FRMPD2: variants seen among roughly 807,000 people sequenced by gnomAD.
The protein encoded by FRMPD2 is FERM and PDZ domain-containing protein 2.
A neutral mutation model predicts 140.1 loss-of-function variants in FRMPD2; 96 were observed. That is an observed-to-expected ratio of 0.69 (90% CI 0.58 to 0.81). FRMPD2 has a LOEUF of 0.81. Ranked by LOEUF, FRMPD2 falls within the 40% of genes least tolerant of loss-of-function variation. FRMPD2 has a pLI of 0.00. For synonymous variants in FRMPD2, 449 were observed against 547.6 expected, an observed-to-expected ratio of 0.82 and a Z score of 2.52; for missense variants, 1,240 against 1,447.4, an observed-to-expected ratio of 0.86 and a Z score of 2.32.
At chr10:48,249,200 G>A (rs2131963847) in intron 2 of FRMPD2, 22 bp from the exon 3 acceptor site, 2 of 1,609,904 alleles carry the variant, frequency 1.2e-6, no homozygotes, top group Non-Finnish European at 1.7e-6. Context: ...CCAGTGATGG[G>A]GCTGTAGAGA....
chr10:48,225,397 A>G (rs2131910570), intron 10 of FRMPD2, among the ~76,000 whole-genome samples: 1 of 152,316 alleles, frequency 6.6e-6, no homozygotes, highest in African/African-American at 2.4e-5. Context: ...CAGCACAAGG[A>G]CAGCCAGCCG....
intron 17 of FRMPD2, among the ~76,000 whole-genome samples, chr10:48,186,118 A>G (rs1838679009): frequency 2.0e-5 from 3 of 152,222 alleles, no homozygotes; most frequent in Non-Finnish European, 4.4e-5. Flanking sequence ...AGCCTGTGTG[A>G]CCTGTGGTCT....
intron 4 of FRMPD2, among the ~76,000 whole-genome samples, chr10:48,244,558 TC>T (rs1275395631): frequency 1.3e-5 from 2 of 152,236 alleles, no homozygotes; most frequent in Admixed American, 1.3e-4. Flanking sequence ...TGCTTGCCAG[TC>T]CCAAATTGTG....
chr10:48,194,106 A>G (rs1838900411), intron 15 of FRMPD2, among the ~76,000 whole-genome samples: 2 of 152,368 alleles, frequency 1.3e-5, no homozygotes, highest in Middle Eastern at 3.4e-3. Flanking sequence ...CAGTAATGTC[A>G]ACATCAACTA....
chr10:48,259,224 A>G (rs1293802683), intron 1 of FRMPD2, among the ~76,000 whole-genome samples: 1 of 152,212 alleles, frequency 6.6e-6, no homozygotes, highest in Non-Finnish European at 1.5e-5. Context: ...TTTACAGCTT[A>G]CAGAGTTTTC....
intron 26 of FRMPD2, among the ~76,000 whole-genome samples, chr10:48,170,174 T>C (rs1392857071): frequency 7.3e-6 from 1 of 136,492 alleles, no homozygotes; most frequent in Non-Finnish European, 1.6e-5. Context: ...TTTGTGTTTC[T>C]GGAGCTGACT....
chr10:48,239,456 G>A, intron 7 of FRMPD2, 149 bp downstream of exon 7: 1 of 552,258 alleles, frequency 1.8e-6, no homozygotes, highest in Non-Finnish European at 3.2e-6. Flanking sequence ...CTTAAATGTG[G>A]CTTCTTCATC....
At chr10:48,265,063 A>G (rs937218246) in intron 1 of FRMPD2, among the ~76,000 whole-genome samples, 5 of 152,192 alleles carry the variant, frequency 3.3e-5, no homozygotes, top group African/African-American at 1.2e-4. Context: ...AAGGCCACAC[A>G]CCTACAACTA....
At chr10:48,200,662 GT>G (rs1210122788) in intron 15 of FRMPD2, among the ~76,000 whole-genome samples, 3 of 152,198 alleles carry the variant, frequency 2.0e-5, no homozygotes, top group Non-Finnish European at 4.4e-5. Context: ...TGAAGAAAGT[GT>G]CATTGGACGG....
intron 28 of FRMPD2, among the ~76,000 whole-genome samples, chr10:48,159,938 C>A (rs1314028249): frequency 6.6e-6 from 1 of 151,552 alleles, no homozygotes; most frequent in African/African-American, 2.4e-5. Context: ...CATTTAAAGA[C>A]AAACATTTTG....
rs1479722867 is a variant in FRMPD2 at position 48,241,771 on chromosome 10, A to C, written c.567+390T>G. On this transcript the variant is annotated intron_variant, in intron 5 of 28. Transcript: ENST00000374201. ...GAGGGGAGGGTACCCAGGGACCACA[A>C]AAACGAAGTCGGGGAAGGCTTCTGT... is the stretch of plus-strand genomic sequence containing the variant. Among the ~76,000 whole-genome samples the C allele has an allele frequency of 2.0e-5, 3 of 152,216 alleles. No individual in the cohort carries two copies. In the South Asian group the frequency reaches 6.2e-4, roughly 31 times the overall value.
At chr10:48,185,422 T>C in intron 18 of FRMPD2, 131 bp downstream of exon 18, 1 of 661,122 alleles carries the variant, frequency 1.5e-6, no homozygotes, top group Non-Finnish European at 2.7e-6. Context: ...CAGAAGTGAT[T>C]ACCAGAAAAG....
At chr10:48,239,364 C>T (rs961261537) in intron 7 of FRMPD2, among the ~76,000 whole-genome samples, 1 of 152,206 alleles carries the variant, frequency 6.6e-6, no homozygotes, top group Non-Finnish European at 1.5e-5. Context: ...GCCACTCGGC[C>T]TGAGTATGGT....
intron 2 of FRMPD2, among the ~76,000 whole-genome samples, chr10:48,250,551 C>T (rs1840351635): frequency 6.6e-6 from 1 of 152,064 alleles, no homozygotes. Context: ...TAAGTGCACG[C>T]CACCACGCCC....
intron 22 of FRMPD2, among the ~76,000 whole-genome samples, chr10:48,176,786 G>C (rs1383956294): frequency 6.6e-6 from 1 of 151,958 alleles, no homozygotes; most frequent in East Asian, 1.9e-4. Context: ...GTATCAGCCT[G>C]TTCACTCCAT....
At chr10:48,191,795 T>C (rs1234271148) in intron 16 of FRMPD2, among the ~76,000 whole-genome samples, 1 of 152,222 alleles carries the variant, frequency 6.6e-6, no homozygotes, top group East Asian at 1.9e-4. Flanking sequence ...TTTAAATTTA[T>C]GAATCGTTTT....
In FRMPD2 at chr10:48,249,178, T is replaced by C; in HGVS notation, c.152A>G (p.Asp51Gly). ...AEQLLEDLRN[D>G]SSDYVVCPWS... Reference sequence around the variant, plus strand: ...GGGGCAAACCACATAGTCCGAGGAATCTGAAACCAAGCCAGTGATGGGGCT... The same window carrying C: ...GGGGCAAACCACATAGTCCGAGGAACCTGAAACCAAGCCAGTGATGGGGCT... The change falls in exon 3 of 29, where the codon GAT (aspartate) becomes GGT (glycine). Residue 51 changes from aspartate to glycine, a missense_variant and splice_region_variant. Transcript: ENST00000374201. The C allele has an allele frequency of 6.2e-7, 1 of 1,613,558 alleles. No individual in the cohort carries two copies. The highest frequency in any genetic ancestry group is 8.5e-7 in the Non-Finnish European group (1 of 1,179,690).
chr10:48,182,670 A>G (rs1449824632), intron 20 of FRMPD2, among the ~76,000 whole-genome samples: 1 of 151,352 alleles, frequency 6.6e-6, no homozygotes, highest in Non-Finnish European at 1.5e-5. Flanking sequence ...GTGAAAGGAC[A>G]TTTTATTCCC....
At chr10:48,159,199 C>A (rs1213483518) in intron 28 of FRMPD2, 2 of 456,222 alleles carry the variant, frequency 4.4e-6, no homozygotes, top group South Asian at 1.5e-5. Context: ...CTGCTCCTGA[C>A]AACTGCATTT....
Sources: gnomAD v4.1 joint callset for allele counts (sites outside exome capture counted in the v4.1 genomes callset) on GRCh38, gnomAD v4.1.1 for gene constraint, MANE v1.5 for transcripts, NCBI Gene and HGNC (gene_info 2026-07-23, HGNC 2026-07-21) for gene names.